The following ART3 variants were observed in gnomAD, a reference collection of about 807,000 sequenced individuals.
The protein encoded by ART3 is ADP-ribosyltransferase 3 (inactive), also known as ecto-ADP-ribosyltransferase 3.
A neutral mutation model predicts 48.5 loss-of-function variants in ART3; 49 were observed. That is an observed-to-expected ratio of 1.01 (90% CI 0.80 to 1.28). The LOEUF is 1.28. Ranked by LOEUF, ART3 falls within the 50% of genes most tolerant of loss-of-function variation. ART3 has a pLI of 0.00. For synonymous variants in ART3, 145 were observed against 157.2 expected (o/e 0.92, Z 0.58); for missense variants, 438 against 454.3 (o/e 0.96, Z 0.33).
intron 1 of ART3, among the ~76,000 whole-genome samples, chr4:76,044,273 C>T (rs1275190673): frequency 6.6e-6 from 1 of 151,996 alleles, no homozygotes; most frequent in Admixed American, 6.6e-5. Context: ...CGCCGGGCGG[C>T]ATCTCATACT....
chr4:76,092,057 T>C (rs1471623902), intron 3 of ART3, among the ~76,000 whole-genome samples: 1 of 152,204 alleles, frequency 6.6e-6, no homozygotes, highest in East Asian at 1.9e-4. Context: ...TAGTGTTCAT[T>C]GTATTCTTTT....
intron 3 of ART3, among the ~76,000 whole-genome samples, chr4:76,087,565 G>A (rs1488171748): frequency 6.6e-6 from 1 of 152,024 alleles, no homozygotes; most frequent in Non-Finnish European, 1.5e-5. Flanking sequence ...TCTAAAAGGG[G>A]TAAAAAAAAT....
At chr4:76,103,370 G>GA (rs145922682) in intron 8 of ART3, among the ~76,000 whole-genome samples, 9 of 150,360 alleles carry the variant, frequency 6.0e-5, no homozygotes, top group Admixed American at 1.3e-4. Flanking sequence ...TCTCAAAAAA[G>GA]AAAAAAAAAT....
At chr4:76,047,475 T>A (rs1020740309) in intron 1 of ART3, among the ~76,000 whole-genome samples, 3 of 151,740 alleles carry the variant, frequency 2.0e-5, no homozygotes, top group African/African-American at 4.8e-5. Flanking sequence ...GACAGGGGAG[T>A]ATATTTTCTT....
At chr4:76,038,181 G>A (rs1249754569) in intron 1 of ART3, among the ~76,000 whole-genome samples, 1 of 152,276 alleles carries the variant, frequency 6.6e-6, no homozygotes, top group Middle Eastern at 3.4e-3. Flanking sequence ...CACTAGAAGA[G>A]TGAGTATAGT....
At chr4:76,035,091 G>A (rs149207110) in intron 1 of ART3, 20 of 1,601,506 alleles carry the variant, frequency 1.2e-5, no homozygotes, top group African/African-American at 2.7e-5. Flanking sequence ...TTTAGGCATC[G>A]TTGTCCTTTA....
At chr4:76,048,461 C>G (rs184621204) in intron 1 of ART3, among the ~76,000 whole-genome samples, 16 of 151,870 alleles carry the variant, frequency 1.1e-4, no homozygotes, top group African/African-American at 3.9e-4. Context: ...CCTGTTGATG[C>G]ATGAGTGTTT....
In ART3 at chr4:76,081,915, A is replaced by T. The variant is rs1722568479; in HGVS notation, c.161A>T (p.Gln54Leu). The T allele has an allele frequency of 6.2e-7, 1 of 1,614,094 alleles. No homozygotes were observed. The highest frequency in any genetic ancestry group is 8.5e-7 in the Non-Finnish European group (1 of 1,180,046). ...AGGATGGAAATTAAATACGTTCCCC[A>T]ACTGCTAAAGGAGGAAAAAGCAAGC... Reference protein sequence around the residue: ...TDRMEIKYVPQLLKEEKASHQ... With the variant: ...TDRMEIKYVPLLLKEEKASHQ... Residue 54 changes from glutamine (Q) to leucine (L), a missense_variant, in exon 3 of 12, where the codon CAA becomes CTA. Gln to Leu is a moderately radical substitution (Grantham distance 113). Transcript: ENST00000355810.
At chr4:76,105,162 C>G (rs868260922) in intron 10 of ART3, among the ~76,000 whole-genome samples, 47 of 152,146 alleles carry the variant, frequency 3.1e-4, no homozygotes, top group African/African-American at 9.9e-4. Flanking sequence ...GATGACACAC[C>G]TTGTGCGTCT....
chr4:76,034,180 C>T, intron 1 of ART3: 1 of 346,032 alleles, frequency 2.9e-6, no homozygotes, highest in Non-Finnish European at 5.2e-6. Flanking sequence ...AGAATGTCTC[C>T]CTACATATTG....
chr4:76,090,653 T>TAGA lies in ART3; in HGVS notation c.782-6991_782-6990insAGA, dbSNP rs1212632295. On this transcript the variant is annotated intron_variant, in intron 3 of 11. Coordinates refer to ENST00000355810, the MANE Select transcript of ART3 (RefSeq NM_001130016.3). Reference sequence around the variant, plus strand: ...CAAGTCAGGGATGTGGAGGGCTTCTTTTGGTAGGGAACTAGAGACCAGATC... The same window carrying TAGA: ...CAAGTCAGGGATGTGGAGGGCTTCTTAGATTGGTAGGGAACTAGAGACCAGATC... 5.3e-5 allele frequency among the ~76,000 whole-genome samples: 8 copies of TAGA among 152,290 alleles called. No homozygotes were observed. In the East Asian group the frequency reaches 1.4e-3, roughly 26 times the overall value.
At chr4:76,066,819 C>T (rs975999226) in intron 1 of ART3, among the ~76,000 whole-genome samples, 1 of 152,178 alleles carries the variant, frequency 6.6e-6, no homozygotes, top group Non-Finnish European at 1.5e-5. Context: ...CCTCCTACTA[C>T]TCATGACGCC....
chr4:76,019,679 C>A (rs924744005), intron 1 of ART3, among the ~76,000 whole-genome samples: 1 of 150,318 alleles, frequency 6.7e-6, no homozygotes, highest in Non-Finnish European at 1.5e-5. Flanking sequence ...TGGTCTCAAT[C>A]TCCTGACCTC....
intron 1 of ART3, 63 bp from the exon 2 acceptor site, chr4:76,075,818 A>G (rs761012497): frequency 1.5e-5 from 19 of 1,279,332 alleles, no homozygotes; most frequent in Admixed American, 3.9e-5. Context: ...GTGTCATCCT[A>G]TTCTACTTCC....
chr4:76,022,674 G>C lies in ART3; in HGVS notation c.-10+11354G>C, dbSNP rs752574654. 2 of 1,612,044 alleles carry C rather than the reference G, an allele frequency of 1.2e-6. No homozygotes were observed. Among genetic ancestry groups the C allele is most frequent in the Admixed American group, 1.7e-5 (1 of 59,926 alleles). The stretch of plus-strand genomic sequence containing the variant: ...ATTACAACCAGGGAAGTGATAATCA[G>C]ATGGGATTTCACTCACATGATCTCA... On this transcript the variant is annotated intron_variant, in intron 1 of 9. Coordinates refer to the ART3 transcript ENST00000341029.
At chr4:76,095,590 T>C (rs932273919) in intron 3 of ART3, among the ~76,000 whole-genome samples, 2 of 152,222 alleles carry the variant, frequency 1.3e-5, no homozygotes, top group African/African-American at 4.8e-5. Flanking sequence ...TAAAAATCAC[T>C]TGGAGTGCTT....
chr4:76,049,730 C>A, intron 1 of ART3, among the ~76,000 whole-genome samples: 1 of 151,708 alleles, frequency 6.6e-6, no homozygotes, highest in Admixed American at 6.6e-5. Flanking sequence ...TCTCACCGCT[C>A]GGCGATAGGC....
At chr4:76,105,624 T>C in intron 10 of ART3, 2 of 1,263,792 alleles carry the variant, frequency 1.6e-6, no homozygotes, top group Non-Finnish European at 1.0e-6. Context: ...ATTCAGTTAG[T>C]TCAGTCTTAT....
intron 1 of ART3, among the ~76,000 whole-genome samples, chr4:76,029,029 T>C (rs181796820): frequency 3.8e-4 from 58 of 152,364 alleles, no homozygotes; most frequent in Non-Finnish European, 1.9e-4. Context: ...TTCTTTCTCC[T>C]TCCCATAAAT....
Sources: gnomAD v4.1 joint callset for allele counts (sites outside exome capture counted in the v4.1 genomes callset) on GRCh38, gnomAD v4.1.1 for gene constraint, MANE v1.5 for transcripts, NCBI Gene and HGNC (gene_info 2026-07-23, HGNC 2026-07-21) for gene names.